The following LNX1 variants were observed in gnomAD, a reference collection of about 807,000 sequenced individuals.
LNX1 encodes ligand of numb-protein X 1, also known as E3 ubiquitin-protein ligase LNX.
A neutral mutation model predicts 68.4 loss-of-function variants in LNX1; 54 were observed. The observed-to-expected ratio is 0.79, with a 90% CI of 0.63 to 0.99. The LOEUF (loss-of-function observed/expected upper bound fraction) is 0.99. Among genes scored for constraint, LNX1 ranks in the 50% least tolerant of loss-of-function variants. The pLI, the probability that LNX1 is intolerant of heterozygous loss-of-function variation, is 0.00. For synonymous variants in LNX1, 336 were observed against 350.0 expected (o/e 0.96, Z 0.45); for missense variants, 906 against 926.4 (o/e 0.98, Z 0.29).
At chr4:53,534,355 G>T (rs1463359714) in intron 2 of LNX1, among the ~76,000 whole-genome samples, 3 of 152,128 alleles carry the variant, frequency 2.0e-5, no homozygotes, top group Non-Finnish European at 4.4e-5. Context: ...GCAGGAATTA[G>T]TGGTGGGGTG....
chr4:53,623,471 T>G (rs569332689), intron 1 of LNX1, among the ~76,000 whole-genome samples: 1 of 151,954 alleles, frequency 6.6e-6, no homozygotes, highest in Non-Finnish European at 1.5e-5. Context: ...TGAGCTCAGG[T>G]GATCCACCTG....
At chr4:53,561,896 A>G (rs1268958805) in intron 2 of LNX1, among the ~76,000 whole-genome samples, 1 of 152,028 alleles carries the variant, frequency 6.6e-6, no homozygotes, top group Non-Finnish European at 1.5e-5. Context: ...CTATGTAACA[A>G]ACCTGAACGT....
chr4:53,600,711 T>G (rs566090024), intron 2 of LNX1, among the ~76,000 whole-genome samples: 52 of 113,444 alleles, frequency 4.6e-4, no homozygotes, highest in African/African-American at 1.6e-3. Context: ...GGCCTCTGTT[T>G]TTTTATTTTT....
At chr4:53,631,838 C>T (rs575255062) in intron 1 of LNX1, among the ~76,000 whole-genome samples, 1 of 151,808 alleles carries the variant, frequency 6.6e-6, no homozygotes, top group South Asian at 2.1e-4. Context: ...AATTCAGAGT[C>T]TCTTTGGAGG....
At chr4:53,594,125 T>C (rs1459801733), upstream of LNX1, 1 of 146,664 alleles carries the variant, frequency 6.8e-6, no homozygotes, top group African/African-American at 2.5e-5. Flanking sequence ...GTCTATATGC[T>C]GAAAGTGTGT....
At chr4:53,561,840 G>A (rs1730310536) in intron 2 of LNX1, among the ~76,000 whole-genome samples, 2 of 151,828 alleles carry the variant, frequency 1.3e-5, no homozygotes, top group South Asian at 2.1e-4. Context: ...TCCATTTTTA[G>A]AAAATAAGAG....
intron 6 of LNX1, among the ~76,000 whole-genome samples, chr4:53,489,384 T>C (rs1438064910): frequency 2.6e-5 from 4 of 152,110 alleles, no homozygotes; most frequent in Non-Finnish European, 5.9e-5. Context: ...TTAATGATAA[T>C]ACAGATGGTG....
At chr4:53,552,866 T>A (rs1470954185) in intron 2 of LNX1, among the ~76,000 whole-genome samples, 5 of 148,432 alleles carry the variant, frequency 3.4e-5, no homozygotes, top group Admixed American at 6.7e-5. Flanking sequence ...TTTAAAGGAA[T>A]GTTACAAAAG....
chr4:53,562,205 C>T (rs1474004768), intron 2 of LNX1, among the ~76,000 whole-genome samples: 1 of 152,184 alleles, frequency 6.6e-6, no homozygotes, highest in Non-Finnish European at 1.5e-5. Context: ...TTCCACACAC[C>T]TTCTCATTGA....
intron 1 of LNX1, among the ~76,000 whole-genome samples, chr4:53,638,340 A>T (rs1394007370): frequency 6.6e-6 from 1 of 152,192 alleles, no homozygotes; most frequent in Admixed American, 6.5e-5. Context: ...AGGTATAGTC[A>T]ATTGGTCAAC....
chr4:53,574,756 A>G (rs1731379767), intron 1 of LNX1, among the ~76,000 whole-genome samples: 1 of 152,244 alleles, frequency 6.6e-6, no homozygotes, highest in South Asian at 2.1e-4. Flanking sequence ...GGATAATCAC[A>G]GGCTACTTCA....
At position 53,508,211 on chromosome 4, in the gene LNX1, G is replaced by A; in HGVS notation, c.397C>T (p.His133Tyr). Residue 133 changes from histidine to tyrosine, a missense_variant, in exon 3 of 11, where the codon CAC becomes TAC. Transcript: ENST00000263925. The part of the protein sequence containing the change: ...HFQTSCKGAS[H>Y]YGLTKDRKRR... ...TTCCTATCTTTGGTCAGGCCGTAGT[G>A]GGAGGCACCTTTACAGCTGTAACAG... 1 of 1,613,962 alleles carries A rather than the reference G, an allele frequency of 6.2e-7. No individual in the cohort carries two copies. Among genetic ancestry groups the A allele is most frequent in the Admixed American group, 1.7e-5 (1 of 60,024 alleles).
intron 2 of LNX1, among the ~76,000 whole-genome samples, chr4:53,538,875 T>C (rs1408284750): frequency 1.3e-5 from 2 of 152,186 alleles, no homozygotes; most frequent in African/African-American, 2.4e-5. Context: ...AGACCCTCAA[T>C]AGCGACAACA....
At chr4:53,474,917 C>T (rs758360319) in intron 9 of LNX1, among the ~76,000 whole-genome samples, 1 of 152,204 alleles carries the variant, frequency 6.6e-6, no homozygotes, top group African/African-American at 2.4e-5. Flanking sequence ...CAGGCGTGTG[C>T]CACCACGCTT....
At chr4:53,531,264 G>T (rs964576502) in intron 2 of LNX1, among the ~76,000 whole-genome samples, 1 of 152,244 alleles carries the variant, frequency 6.6e-6, no homozygotes, top group African/African-American at 2.4e-5. Flanking sequence ...ATGGTCAACA[G>T]AATTCTGTGA....
chr4:53,577,711 C>T (rs899393953), intron 1 of LNX1, among the ~76,000 whole-genome samples: 11 of 152,002 alleles, frequency 7.2e-5, no homozygotes, highest in African/African-American at 1.7e-4. Flanking sequence ...CACCACACCC[C>T]GCCTGCCATT....
At chr4:53,555,579 G>A (rs1255805561) in intron 2 of LNX1, among the ~76,000 whole-genome samples, 1 of 152,140 alleles carries the variant, frequency 6.6e-6, no homozygotes, top group African/African-American at 2.4e-5. Flanking sequence ...CTCCTAGAAA[G>A]GAGGTACCAT....
chr4:53,641,517 C>T (rs532293045), intron 1 of LNX1, among the ~76,000 whole-genome samples: 1 of 152,220 alleles, frequency 6.6e-6, no homozygotes, highest in African/African-American at 2.4e-5. Flanking sequence ...ACCTAACGAC[C>T]ATGCCTCTGT....
intron 9 of LNX1, among the ~76,000 whole-genome samples, chr4:53,474,412 C>A (rs1259691600): frequency 5.3e-5 from 8 of 152,174 alleles, no homozygotes; most frequent in Admixed American, 5.2e-4. Flanking sequence ...TGCTCTCACA[C>A]CACAACAGCA....
Sources: allele counts gnomAD v4.1 joint callset (sites outside exome capture counted in the v4.1 genomes callset), GRCh38; gene constraint gnomAD v4.1.1; transcripts MANE v1.5; gene names NCBI Gene and HGNC (gene_info 2026-07-23, HGNC 2026-07-21).